The following PREP variants were observed in gnomAD, a reference collection of about 807,000 sequenced individuals.
PREP encodes the protein dJ355L5.1 (prolyl endopeptidase).
In PREP, 29 loss-of-function variants were observed where a neutral mutation model predicts 87.6. That is an observed-to-expected ratio of 0.33 (90% CI 0.25 to 0.45). PREP has a LOEUF of 0.45. Among genes scored for constraint, PREP ranks in the 20% least tolerant of loss-of-function variants. PREP has a pLI of 1.00. For missense variants in PREP, 695 were observed against 886.5 expected (o/e 0.78, Z 2.74); for synonymous variants, 337 against 328.6 (o/e 1.03, Z -0.28).
chr6:105,395,607 G>A (rs1773269344), intron 2 of PREP, among the ~76,000 whole-genome samples: 1 of 152,148 alleles, frequency 6.6e-6, no homozygotes, highest in African/African-American at 2.4e-5. Context: ...ATCAAGTGCT[G>A]ACTATAAGAT....
At chr6:105,288,384 C>G (rs1215796037) in intron 11 of PREP, among the ~76,000 whole-genome samples, 3 of 152,194 alleles carry the variant, frequency 2.0e-5, no homozygotes, top group Non-Finnish European at 4.4e-5. Flanking sequence ...GAGTTTCGTT[C>G]TTGTTGCCTA....
chr6:105,388,019 C>T (rs1310761852), intron 2 of PREP, among the ~76,000 whole-genome samples: 3 of 152,088 alleles, frequency 2.0e-5, no homozygotes, highest in Admixed American at 6.5e-5. Context: ...AAATGAAGCA[C>T]ATATGGAGAA....
chr6:105,285,825 G>C (rs1470631208), intron 11 of PREP, among the ~76,000 whole-genome samples: 1 of 152,080 alleles, frequency 6.6e-6, no homozygotes. Context: ...ACCCAGGCTG[G>C]AGTGCAGTGA....
chr6:105,341,437 A>G (rs1216593280), intron 7 of PREP, among the ~76,000 whole-genome samples: 1 of 152,242 alleles, frequency 6.6e-6, no homozygotes, highest in African/African-American at 2.4e-5. Flanking sequence ...AGAAAGCAGG[A>G]AAGATCTAAA....
intron 5 of PREP, among the ~76,000 whole-genome samples, chr6:105,371,888 G>T (rs1772566796): frequency 6.6e-6 from 1 of 152,058 alleles, no homozygotes; most frequent in Non-Finnish European, 1.5e-5. Flanking sequence ...AATAACTTTT[G>T]TTTTTTACAA....
chr6:105,276,117 C>CT lies in PREP; in HGVS notation c.*2026dup, dbSNP rs1769925760. ...TCTGGGTAGGAGCCCAATCTCAAGT[C>CT]TTATTTCTAATGTTTAAAGCTCCCC... On this transcript the variant is annotated 3_prime_UTR_variant, in exon 15 of 15. Transcript: ENST00000652536. Among the ~76,000 whole-genome samples the CT allele has an allele frequency of 1.3e-5, 2 of 152,192 alleles. No homozygotes were observed. Among genetic ancestry groups the CT allele is most frequent in the Non-Finnish European group, 2.9e-5 (2 of 68,026 alleles).
chr6:105,366,620 C>T (rs1417332744), intron 6 of PREP, among the ~76,000 whole-genome samples: 1 of 152,154 alleles, frequency 6.6e-6, no homozygotes, highest in Admixed American at 6.5e-5. Context: ...GATATATTTC[C>T]ACTCTATTTG....
intron 6 of PREP, among the ~76,000 whole-genome samples, chr6:105,354,798 G>GTA (rs149974388): frequency 0.066 from 10,104 of 151,966 alleles, 1,154 homozygotes; most frequent in African/African-American, 0.24. Flanking sequence ...TCCTCTCTAT[G>GTA]TATATATATA....
intron 10 of PREP, among the ~76,000 whole-genome samples, chr6:105,314,631 C>T (rs950602054): frequency 5.9e-5 from 9 of 152,218 alleles, no homozygotes; most frequent in Non-Finnish European, 1.2e-4. Context: ...TCAGACTCTA[C>T]TTCTAATTCT....
chr6:105,389,521 T>C (rs529957845), intron 2 of PREP, among the ~76,000 whole-genome samples: 3 of 152,328 alleles, frequency 2.0e-5, no homozygotes, highest in Admixed American at 6.5e-5. Flanking sequence ...CAAAGAACAC[T>C]GTACACCAAA....
At chr6:105,394,347 T>A (rs1375719483) in intron 2 of PREP, among the ~76,000 whole-genome samples, 1 of 152,188 alleles carries the variant, frequency 6.6e-6, no homozygotes, top group Non-Finnish European at 1.5e-5. Context: ...ACCAATTCAA[T>A]AAGACCTGAA....
chr6:105,289,014 G>A, intron 10 of PREP, 120 bp from the exon 11 acceptor site: 2 of 1,001,628 alleles, frequency 2.0e-6, no homozygotes, highest in Admixed American at 2.5e-5. Flanking sequence ...TGAAAACCTA[G>A]TACCTCTCAA....
intron 6 of PREP, among the ~76,000 whole-genome samples, chr6:105,361,192 A>G (rs1348171760): frequency 6.6e-6 from 1 of 152,200 alleles, no homozygotes; most frequent in African/African-American, 2.4e-5. Flanking sequence ...ATATTAAGAG[A>G]CAATTAACAG....
intron 2 of PREP, among the ~76,000 whole-genome samples, chr6:105,387,684 T>C (rs1253268645): frequency 6.6e-6 from 1 of 151,016 alleles, no homozygotes; most frequent in Non-Finnish European, 1.5e-5. Flanking sequence ...AAAAATCTCA[T>C]AATGTTTTCA....
intron 7 of PREP, among the ~76,000 whole-genome samples, chr6:105,343,705 G>A (rs930016756): frequency 4.6e-5 from 7 of 152,154 alleles, no homozygotes; most frequent in African/African-American, 1.4e-4. Context: ...CAAAAAGTGG[G>A]TGAAGGATAT....
chr6:105,392,399 G>A (rs1030127266), intron 2 of PREP, among the ~76,000 whole-genome samples: 3 of 152,066 alleles, frequency 2.0e-5, no homozygotes, highest in Non-Finnish European at 2.9e-5. Flanking sequence ...CGCTACCATG[G>A]TTACTCTGAT....
chr6:105,294,483 A>G (rs1466284549), intron 10 of PREP, among the ~76,000 whole-genome samples: 2 of 152,196 alleles, frequency 1.3e-5, no homozygotes, highest in African/African-American at 2.4e-5. Flanking sequence ...CCTGTCCAGC[A>G]TCCTCACCTT....
chr6:105,363,340 A>AT (rs1383076899), intron 6 of PREP, among the ~76,000 whole-genome samples: 7 of 151,864 alleles, frequency 4.6e-5, no homozygotes, highest in South Asian at 2.1e-4. Context: ...TTTCTTTAGG[A>AT]TTTTTTTTCT....
intron 7 of PREP, among the ~76,000 whole-genome samples, chr6:105,351,760 T>C (rs1299808224): frequency 4.6e-5 from 7 of 152,212 alleles, no homozygotes; most frequent in Non-Finnish European, 1.0e-4. Context: ...TGCTTGCAAC[T>C]CACGCAAACA....
Sources: gnomAD v4.1 joint callset for allele counts (sites outside exome capture counted in the v4.1 genomes callset) on GRCh38, gnomAD v4.1.1 for gene constraint, MANE v1.5 for transcripts, NCBI Gene and HGNC (gene_info 2026-07-23, HGNC 2026-07-21) for gene names.